Variants in PLXNA4 observed in about 807,000 individuals in gnomAD.
PLXNA4 encodes plexin-A4.
Under a neutral mutation model 191.8 loss-of-function variants are expected in PLXNA4, and 44 were observed. The ratio of observed to expected loss-of-function variants is 0.23; its 90% confidence interval spans 0.18 to 0.29. The LOEUF (loss-of-function observed/expected upper bound fraction) is 0.29. PLXNA4 is among the 10% of genes least tolerant of loss of function. The pLI is 1.00. For missense variants in PLXNA4, 1,800 were observed against 2,488.8 expected, an observed-to-expected ratio of 0.72 and a Z score of 5.89; for synonymous variants, 1,082 against 1,009.5, an observed-to-expected ratio of 1.07 and a Z score of -1.36.
intron 4 of PLXNA4, among the ~76,000 whole-genome samples, chr7:132,251,286 A>G (rs1799241781): frequency 6.6e-6 from 1 of 152,200 alleles, no homozygotes; most frequent in Non-Finnish European, 1.5e-5. Flanking sequence ...CGGTTGGCTT[A>G]TCTTTTAGCA....
intron 30 of PLXNA4, among the ~76,000 whole-genome samples, chr7:132,137,142 C>T (rs1795136637): frequency 6.6e-6 from 1 of 152,162 alleles, no homozygotes; most frequent in Non-Finnish European, 1.5e-5. Context: ...ATATCTTGCT[C>T]CCAGGGTAAG....
chr7:132,310,274 G>A (rs978979453), intron 3 of PLXNA4, among the ~76,000 whole-genome samples: 33 of 152,180 alleles, frequency 2.2e-4, no homozygotes, highest in Admixed American at 1.4e-3. Flanking sequence ...ATATACATAC[G>A]TGCCTGTGAG....
chr7:132,133,188 T>C lies in PLXNA4; in HGVS notation c.5450A>G (p.Asp1817Gly), dbSNP rs774634873. The C allele has an allele frequency of 6.2e-7, 1 of 1,614,068 alleles. No individual in the cohort carries two copies. The highest frequency in any genetic ancestry group is 1.7e-5 in the Admixed American group (1 of 60,012). Residue 1817 changes from aspartate (D) to glycine (G), a missense_variant, in exon 31 of 32, where the codon GAC becomes GGC. By Grantham distance (94) the Asp-to-Gly change is moderately conservative. Transcript: ENST00000321063. ...GCTGATGGCTGGCATCTTCCCTATG[T>C]CTGAGTAATACCTGTGGAGGGATGG... is the stretch of plus-strand genomic sequence containing the variant. The part of the protein sequence containing the change: ...YKNWVERYYS[D>G]IGKMPAISDQ...
At chr7:132,200,656 C>T (rs1433930123) in intron 12 of PLXNA4, among the ~76,000 whole-genome samples, 1 of 152,116 alleles carries the variant, frequency 6.6e-6, no homozygotes, top group Non-Finnish European at 1.5e-5. Flanking sequence ...TGGGTGAGGC[C>T]CACAAAAGCC....
intron 3 of PLXNA4, among the ~76,000 whole-genome samples, chr7:132,413,551 AAACCC>A: frequency 6.6e-6 from 1 of 152,292 alleles, no homozygotes; most frequent in South Asian, 2.1e-4. Context: ...GCCTCAACCT[AAACCC>A]AACTCAGAGC....
intron 2 of PLXNA4, among the ~76,000 whole-genome samples, chr7:132,497,763 G>A (rs1242117907): frequency 6.6e-6 from 1 of 152,154 alleles, no homozygotes; most frequent in Non-Finnish European, 1.5e-5. Flanking sequence ...CCTATAATAG[G>A]TGAAAGTTGA....
At chr7:132,276,990 C>A (rs1022281892) in intron 4 of PLXNA4, among the ~76,000 whole-genome samples, 5 of 152,152 alleles carry the variant, frequency 3.3e-5, no homozygotes, top group African/African-American at 1.2e-4. Flanking sequence ...ACTCCTGTCA[C>A]ATAAAATTAT....
chr7:132,560,249 G>A (rs957767252), intron 1 of PLXNA4, among the ~76,000 whole-genome samples: 8 of 152,178 alleles, frequency 5.3e-5, no homozygotes, highest in African/African-American at 1.9e-4. Flanking sequence ...GGAACAAGCA[G>A]AACAGAGGCC....
chr7:132,292,032 T>G (rs1800911421), intron 4 of PLXNA4, among the ~76,000 whole-genome samples: 1 of 152,162 alleles, frequency 6.6e-6, no homozygotes, highest in Admixed American at 6.5e-5. Flanking sequence ...TGACCTCAGG[T>G]GACCTGCCCT....
Position 132,180,618 on chromosome 7 carries a change from A to T in PLXNA4, c.3607T>A (p.Ser1203Thr). 1 of 1,613,944 alleles carries T rather than the reference A, an allele frequency of 6.2e-7. No homozygotes were observed. Among genetic ancestry groups the T allele is most frequent in the Non-Finnish European group, 8.5e-7 (1 of 1,179,988 alleles). ...TVSDVQLLCE[S>T]PNLIGRHKVM... ...TTGTGCCTGCCGATGAGGTTGGGGGACTCGCAGAGCAGCTGGACATCTGAC... is the reference window on the plus strand; with the variant it reads ...TTGTGCCTGCCGATGAGGTTGGGGGTCTCGCAGAGCAGCTGGACATCTGAC... The change falls in exon 19 of 32, where the codon TCC becomes ACC. Residue 1203 changes from serine to threonine, a missense_variant. Physicochemically the swap from Ser to Thr is moderately conservative, Grantham distance 58. Transcript: ENST00000321063.
chr7:132,376,088 G>A (rs1335263783), intron 3 of PLXNA4, among the ~76,000 whole-genome samples: 1 of 152,154 alleles, frequency 6.6e-6, no homozygotes, highest in Non-Finnish European at 1.5e-5. Context: ...TGTAGCATCT[G>A]CCCCATGGTG....
intron 3 of PLXNA4, among the ~76,000 whole-genome samples, chr7:132,343,340 A>G (rs570459487): frequency 6.6e-6 from 1 of 152,318 alleles, no homozygotes; most frequent in African/African-American, 2.4e-5. Context: ...CCATCCATTC[A>G]TCCATGGAAC....
At chr7:132,234,425 A>G (rs1278405263) in intron 5 of PLXNA4, among the ~76,000 whole-genome samples, 4 of 152,108 alleles carry the variant, frequency 2.6e-5, no homozygotes, top group Non-Finnish European at 5.9e-5. Context: ...ATGGGTGTGT[A>G]TGTCTGGAGT....
At chr7:132,270,628 G>T (rs1800031196) in intron 4 of PLXNA4, among the ~76,000 whole-genome samples, 1 of 152,206 alleles carries the variant, frequency 6.6e-6, no homozygotes, top group Admixed American at 6.5e-5. Flanking sequence ...ACCTTGTGTT[G>T]TATATATGTA....
intron 3 of PLXNA4, among the ~76,000 whole-genome samples, chr7:132,414,258 TGCCA>T (rs751279612): frequency 1.3e-5 from 2 of 152,218 alleles, no homozygotes; most frequent in Non-Finnish European, 2.9e-5. Context: ...CTGGAGGGCT[TGCCA>T]GCTGTGCCTT....
intron 4 of PLXNA4, among the ~76,000 whole-genome samples, chr7:132,272,648 C>T (rs1324241691): frequency 6.6e-6 from 1 of 152,122 alleles, no homozygotes; most frequent in Admixed American, 6.5e-5. Context: ...ACAATTGTTG[C>T]CCAACTCTTC....
intron 1 of PLXNA4, among the ~76,000 whole-genome samples, chr7:132,575,868 C>A (rs1176367773): frequency 2.0e-5 from 3 of 152,170 alleles, no homozygotes; most frequent in Admixed American, 1.3e-4. Flanking sequence ...CAGCCCCAAC[C>A]GCCTATCTGG....
intron 3 of PLXNA4, among the ~76,000 whole-genome samples, chr7:132,361,487 G>A (rs958741406): frequency 6.6e-6 from 1 of 152,210 alleles, no homozygotes; most frequent in Non-Finnish European, 1.5e-5. Context: ...GTCAGCTGCA[G>A]AGAGGCTGCA....
intron 3 of PLXNA4, among the ~76,000 whole-genome samples, chr7:132,435,506 A>G (rs993750930): frequency 3.3e-5 from 5 of 152,114 alleles, no homozygotes; most frequent in African/African-American, 1.2e-4. Flanking sequence ...AATCTCCTAC[A>G]AAGAGAACAG....
Sources: gnomAD v4.1 joint callset for allele counts (sites outside exome capture counted in the v4.1 genomes callset) on GRCh38, gnomAD v4.1.1 for gene constraint, MANE v1.5 for transcripts, NCBI Gene and HGNC (gene_info 2026-07-23, HGNC 2026-07-21) for gene names.